Variants in FARS2 observed in about 807,000 individuals in gnomAD.
The protein encoded by FARS2 is phenylalanyl-tRNA synthetase 2, mitochondrial, also known as phenylalanine--tRNA ligase, mitochondrial.
FARS2 carries 40 observed loss-of-function variants against 46.4 expected under a neutral mutation model. The observed-to-expected ratio is 0.86, with a 90% CI of 0.67 to 1.12. The LOEUF is 1.12. Ranked by LOEUF, FARS2 falls within the 50% of genes most tolerant of loss-of-function variation. The probability of loss-of-function intolerance (pLI) is 0.00; values close to 1 mark genes in which losing one functional copy is unlikely to be tolerated. For synonymous variants in FARS2, 234 were observed against 214.9 expected, an observed-to-expected ratio of 1.09 and a Z score of -0.78; for missense variants, 513 against 567.9, an observed-to-expected ratio of 0.90 and a Z score of 0.98.
At chr6:5,273,783 T>C (rs191245385) in intron 1 of FARS2, among the ~76,000 whole-genome samples, 1 of 152,336 alleles carries the variant, frequency 6.6e-6, no homozygotes, top group African/African-American at 2.4e-5. Context: ...AATGTATTCT[T>C]GTAGTAGTTT....
Position 5,703,950 on chromosome 6 carries a change from T to G in FARS2, c.1218-67341T>G, listed in dbSNP as rs115294354. The stretch of plus-strand genomic sequence containing the variant: ...TCCCGATCTAGCTGTTTCTCCTCCC[T>G]CTCTGAGCTCCTTCCTCCCTCTTCC... On this transcript the variant is annotated intron_variant, in intron 6 of 6. Coordinates refer to ENST00000274680, the MANE Select transcript of FARS2 (RefSeq NM_006567.5). Among the ~76,000 whole-genome samples, 1,470 of 152,258 alleles carry G rather than the reference T, an allele frequency of 9.7e-3. 23 individuals carry two copies. Among genetic ancestry groups the G allele is most frequent in the African/African-American group, 0.031 (1,304 of 41,556 alleles).
Position 5,759,511 on chromosome 6 carries a change from C to T in FARS2, c.1218-11780C>T, listed in dbSNP as rs558269277. 4.6e-5 allele frequency among the ~76,000 whole-genome samples: 7 copies of T among 152,118 alleles called. No individual in the cohort carries two copies. The East Asian group carries it at 1.2e-3, about 25-fold the overall frequency. On this transcript the variant is annotated intron_variant, in intron 6 of 6. Transcript: ENST00000274680. ...GAATACATGGCATATGGTGGGTGGT[C>T]GGCATTCATTTGCTGAATGAATAAA...
At chr6:5,572,855 C>T (rs988741781) in intron 5 of FARS2, among the ~76,000 whole-genome samples, 3 of 152,134 alleles carry the variant, frequency 2.0e-5, no homozygotes, top group Admixed American at 6.5e-5. Flanking sequence ...ATAGTAATAA[C>T]CAATGGACTG....
At chr6:5,537,773 A>G (rs1318107840) in intron 4 of FARS2, among the ~76,000 whole-genome samples, 2 of 152,212 alleles carry the variant, frequency 1.3e-5, no homozygotes, top group Non-Finnish European at 2.9e-5. Context: ...TGGGATTAGA[A>G]TCTTTCAAGT....
intron 4 of FARS2, among the ~76,000 whole-genome samples, chr6:5,534,244 A>G (rs548177278): frequency 1.3e-4 from 18 of 141,486 alleles, no homozygotes; most frequent in East Asian, 1.9e-4. Context: ...TTAAATATCT[A>G]CATCCTCTGA....
chr6:5,450,481 T>C (rs113424842), intron 4 of FARS2, among the ~76,000 whole-genome samples: 51 of 151,864 alleles, frequency 3.4e-4, no homozygotes, highest in African/African-American at 1.2e-3. Flanking sequence ...GCCGTTGTAG[T>C]GTGAAGGTCG....
intron 2 of FARS2, among the ~76,000 whole-genome samples, chr6:5,387,622 T>C (rs1760220845): frequency 6.6e-6 from 1 of 152,226 alleles, no homozygotes. Flanking sequence ...CGGCATGTGC[T>C]TATAGAGGCA....
At chr6:5,375,147 G>T (rs1759297753) in intron 2 of FARS2, among the ~76,000 whole-genome samples, 1 of 152,034 alleles carries the variant, frequency 6.6e-6, no homozygotes, top group East Asian at 1.9e-4. Context: ...TGCTTTATTT[G>T]TAGAGGATTT....
intron 1 of FARS2, among the ~76,000 whole-genome samples, chr6:5,307,899 T>C (rs1480853616): frequency 1.3e-5 from 2 of 152,112 alleles, no homozygotes; most frequent in Admixed American, 1.3e-4. Context: ...TTACTTACAC[T>C]GCCCACATTG....
At chr6:5,358,627 A>C (rs1018338252) in intron 1 of FARS2, among the ~76,000 whole-genome samples, 3 of 152,162 alleles carry the variant, frequency 2.0e-5, no homozygotes, top group African/African-American at 7.2e-5. Context: ...TTAACTGAAT[A>C]TATTTTTGAA....
chr6:5,689,330 G>A (rs1332642433), intron 6 of FARS2, among the ~76,000 whole-genome samples: 1 of 151,940 alleles, frequency 6.6e-6, no homozygotes, highest in Non-Finnish European at 1.5e-5. Context: ...TCTCTTGTGG[G>A]CATTTAGTGC....
At chr6:5,652,367 C>A (rs1777410102) in intron 6 of FARS2, among the ~76,000 whole-genome samples, 1 of 152,186 alleles carries the variant, frequency 6.6e-6, no homozygotes, top group Non-Finnish European at 1.5e-5. Context: ...CCCTTCGAAT[C>A]TGTGCAAGTA....
At chr6:5,389,223 G>T (rs1268706084) in intron 2 of FARS2, among the ~76,000 whole-genome samples, 1 of 152,200 alleles carries the variant, frequency 6.6e-6, no homozygotes, top group Non-Finnish European at 1.5e-5. Flanking sequence ...ATGCAAAAAT[G>T]CCTTGTAGTT....
At chr6:5,636,007 ATC>A (rs768852098) in intron 6 of FARS2, among the ~76,000 whole-genome samples, 24 of 152,324 alleles carry the variant, frequency 1.6e-4, no homozygotes, top group Admixed American at 8.5e-4. Context: ...GCTACTAGAC[ATC>A]TGTTTTAGAA....
intron 3 of FARS2, among the ~76,000 whole-genome samples, chr6:5,427,482 C>T (rs1216429568): frequency 1.3e-5 from 2 of 152,110 alleles, no homozygotes; most frequent in Non-Finnish European, 1.5e-5. Flanking sequence ...ATAGATTTGG[C>T]ATTCTTTGTG....
At chr6:5,726,493 G>A (rs983983374) in intron 6 of FARS2, among the ~76,000 whole-genome samples, 1 of 152,236 alleles carries the variant, frequency 6.6e-6, no homozygotes, top group Non-Finnish European at 1.5e-5. Flanking sequence ...ACATGAGCCA[G>A]GGCCGTAAAG....
intron 6 of FARS2, among the ~76,000 whole-genome samples, chr6:5,725,310 G>A (rs936489921): frequency 1.1e-4 from 16 of 152,228 alleles, no homozygotes; most frequent in African/African-American, 3.9e-4. Context: ...AAGGAGCTTT[G>A]GAGGCAGGTT....
rs1409076424 is a variant in FARS2, at chr6:5,677,814, A to T, written c.1217+64494A>T. Reference sequence around the variant, plus strand: ...ATGTCTGTTTGCTGACTTGATTGTGAAATTCCTGAGGGTAGGAATTATGTC... The same window carrying T: ...ATGTCTGTTTGCTGACTTGATTGTGTAATTCCTGAGGGTAGGAATTATGTC... On this transcript the variant is annotated intron_variant, in intron 6 of 6. Coordinates refer to ENST00000274680, the MANE Select transcript of FARS2 (RefSeq NM_006567.5). Among the ~76,000 whole-genome samples the T allele has an allele frequency of 2.6e-5, 4 of 152,302 alleles. No homozygotes were observed. In the East Asian group the frequency reaches 7.7e-4, roughly 29 times the overall value.
chr6:5,449,356 A>AAG lies in FARS2; in HGVS notation c.904+18185_904+18186insGA, dbSNP rs976529005. Among the ~76,000 whole-genome samples, 43 of 151,042 alleles carry AAG rather than the reference A, an allele frequency of 2.8e-4. 1 individual carries two copies. Among genetic ancestry groups the AAG allele is most frequent in the Middle Eastern group, 7.0e-3 (2 of 286 alleles). ...AGAGTGAGTAAGACTCCATCTCAAAAAAAAAAAAAAGAAAAAAAAGAAAAA... is the reference window on the plus strand; with the variant it reads ...AGAGTGAGTAAGACTCCATCTCAAAAAGAAAAAAAAAAGAAAAAAAAGAAAAA... On this transcript the variant is annotated intron_variant, in intron 4 of 6. Transcript: ENST00000274680.
Sources: allele counts gnomAD v4.1 joint callset (sites outside exome capture counted in the v4.1 genomes callset), GRCh38; gene constraint gnomAD v4.1.1; transcripts MANE v1.5; gene names NCBI Gene and HGNC (gene_info 2026-07-23, HGNC 2026-07-21).